RBM20: variants seen among roughly 807,000 people sequenced by gnomAD.
RBM20 encodes the protein RNA binding motif protein 20.
RBM20 carries 51 observed loss-of-function variants against 110.1 expected under a neutral mutation model. That is an observed-to-expected ratio of 0.46 (90% confidence interval 0.37 to 0.59). The LOEUF is 0.59. Among genes scored for constraint, RBM20 ranks in the 20% least tolerant of loss-of-function variants. The pLI is 0.00. For synonymous variants in RBM20, 589 were observed against 618.2 expected (o/e 0.95, Z 0.70); for missense variants, 1,512 against 1,574.9 (o/e 0.96, Z 0.68).
At chr10:110,662,011 G>GAAAAAA (rs373054814) in intron 1 of RBM20, among the ~76,000 whole-genome samples, 7 of 146,830 alleles carry the variant, frequency 4.8e-5, no homozygotes, top group Admixed American at 6.8e-5. Flanking sequence ...ACTGGTCTCA[G>GAAAAAA]GAAAAAAAAA....
rs774564601 is a variant in RBM20 at position 110,708,540 on chromosome 10, A to G, written c.191+63895A>G. ...TTTACTAGTTTCTGGTAAAATACGT[A>G]GGTTCTATATATTTTTGCTAGATAA... On this transcript the variant is annotated intron_variant, in intron 1 of 13. Transcript: ENST00000369519. Among the ~76,000 whole-genome samples, 16 of 152,322 alleles carry G rather than the reference A, an allele frequency of 1.1e-4. No individual in the cohort carries two copies. In the South Asian group the frequency reaches 2.9e-3, roughly 28 times the overall value.
At chr10:110,690,809 G>T (rs1203901185) in intron 1 of RBM20, among the ~76,000 whole-genome samples, 1 of 152,100 alleles carries the variant, frequency 6.6e-6, no homozygotes, top group African/African-American at 2.4e-5. Context: ...TCTGTTGATG[G>T]CCAGAAGCAT....
rs1458597200 is a variant in RBM20, at chr10:110,810,363, G to A, written c.1801-20G>A. On this transcript the variant is annotated intron_variant, in intron 7 of 13. Coordinates refer to ENST00000369519, the MANE Select transcript of RBM20 (RefSeq NM_001134363.3). ...GCAAGGCCATCTCTGATCTGATGGT[G>A]ATCTCTCTGACTTTGCTAGAAACCC... 1 of 1,543,038 alleles carries A rather than the reference G, an allele frequency of 6.5e-7. No homozygotes were observed. The highest frequency in any genetic ancestry group is 1.4e-5 in the African/African-American group (1 of 72,860).
intron 1 of RBM20, among the ~76,000 whole-genome samples, chr10:110,747,417 C>CAG: frequency 6.6e-6 from 1 of 152,216 alleles, no homozygotes; most frequent in African/African-American, 2.4e-5. Flanking sequence ...ATCAGTGGTG[C>CAG]AGAGACCTGG....
rs988921896 is a variant in RBM20 at position 110,783,271 on chromosome 10, C to T, written c.1276-95C>T. 37 of 936,502 alleles carry T rather than the reference C, an allele frequency of 4.0e-5. No homozygotes were observed. The South Asian group carries it at 4.6e-4, about 12-fold the overall frequency. The allele number at this position is 936,502 out of a possible 1,614,324, so 58.0% of individuals were successfully genotyped here. On this transcript the variant is annotated intron_variant, in intron 2 of 13. Coordinates refer to ENST00000369519, the MANE Select transcript of RBM20 (RefSeq NM_001134363.3). ...AGGGGTGGTCCAGCCTCTGGGCGCT[C>T]TGTGCTCCCTGCCTGACCAGTGTCT...
intron 9 of RBM20, among the ~76,000 whole-genome samples, chr10:110,816,452 C>T (rs1844841880): frequency 6.6e-6 from 1 of 151,684 alleles, no homozygotes; most frequent in African/African-American, 2.4e-5. Flanking sequence ...CAACCTGCTC[C>T]CCTCCCTCTC....
chr10:110,704,340 A>G (rs1327163243), intron 1 of RBM20, among the ~76,000 whole-genome samples: 1 of 152,238 alleles, frequency 6.6e-6, no homozygotes, highest in Non-Finnish European at 1.5e-5. Flanking sequence ...ATTACAAAGA[A>G]AGCTGCTATG....
chr10:110,778,368 A>G (rs969369492), intron 1 of RBM20, among the ~76,000 whole-genome samples: 1 of 152,242 alleles, frequency 6.6e-6, no homozygotes, highest in Non-Finnish European at 1.5e-5. Flanking sequence ...TTGTACTTAC[A>G]TTTAAATGTG....
intron 1 of RBM20, among the ~76,000 whole-genome samples, chr10:110,717,597 A>G (rs904628852): frequency 6.6e-6 from 1 of 152,034 alleles, no homozygotes; most frequent in African/African-American, 2.4e-5. Flanking sequence ...CCTGATTTGA[A>G]TCCCACCCCT....
intron 5 of RBM20, among the ~76,000 whole-genome samples, chr10:110,795,725 A>T (rs1844542148): frequency 6.6e-6 from 1 of 152,200 alleles, no homozygotes; most frequent in South Asian, 2.1e-4. Flanking sequence ...GGTTCGGAAA[A>T]TTATATCCTT....
In RBM20 at chr10:110,669,527, A is replaced by G. The variant is rs1236437344; in HGVS notation, c.191+24882A>G. Among the ~76,000 whole-genome samples the G allele has an allele frequency of 2.0e-5, 3 of 152,232 alleles. No individual in the cohort carries two copies. In the East Asian group the frequency reaches 5.8e-4, roughly 29 times the overall value. On this transcript the variant is annotated intron_variant, in intron 1 of 13. Transcript: ENST00000369519. ...CAACAAAACTTTGGATTCAATTACA[A>G]CACTTGTAGGCTCAGAAGATTGCTT... is the stretch of plus-strand genomic sequence containing the variant.
chr10:110,698,792 GC>G (rs1406053293), intron 1 of RBM20, among the ~76,000 whole-genome samples: 1 of 152,168 alleles, frequency 6.6e-6, no homozygotes, highest in Non-Finnish European at 1.5e-5. Flanking sequence ...ATGTGACACT[GC>G]CTCCTTGAAA....
chr10:110,791,769 C>T (rs2135062479), intron 5 of RBM20, among the ~76,000 whole-genome samples: 2 of 152,322 alleles, frequency 1.3e-5, no homozygotes, highest in Admixed American at 1.3e-4. Context: ...GGCTTGCAGG[C>T]AGGCTAAAGC....
In RBM20 at chr10:110,812,317, C is replaced by G. The variant is rs1439106449; in HGVS notation, c.1920C>G (p.Ser640Arg). The G allele has an allele frequency of 1.3e-6, 2 of 1,550,654 alleles. No homozygotes were observed. Among genetic ancestry groups the G allele is most frequent in the African/African-American group, 1.4e-5 (1 of 73,044 alleles). Residue 640 changes from serine (S) to arginine (R), a missense_variant, in exon 9 of 14, where the codon AGC becomes AGG. Transcript: ENST00000369519. ...PERPRSRSPV[S>R]RSLSPRSHTP... ...GGCCGCGGTCTCGTAGTCCGGTGAG[C>G]CGGTCACTCTCCCCGAGGTCCCACA...
Position 110,780,834 on chromosome 10 carries a change from G to C in RBM20, c.225G>C (p.Ser75=), listed in dbSNP as rs1170141703. The C allele has an allele frequency of 2.6e-6, 4 of 1,538,550 alleles. No homozygotes were observed. Among genetic ancestry groups the C allele is most frequent in the Non-Finnish European group, 3.5e-6 (4 of 1,138,552 alleles). The change falls in exon 2 of 14, where the codon TCG becomes TCC. Residue 75 remains serine, a synonymous_variant. Transcript: ENST00000369519. ...AAKLLDKNPF[S]VSNPNPLLPS... ...AGCTCCTGGACAAGAACCCATTCTC[G>C]GTCAGTAACCCGAACCCTCTGCTTC...
At chr10:110,721,663 C>T (rs978160550) in intron 1 of RBM20, among the ~76,000 whole-genome samples, 3 of 152,140 alleles carry the variant, frequency 2.0e-5, no homozygotes, top group African/African-American at 4.8e-5. Context: ...CTGTGGCTTC[C>T]GACTGTGGTT....
intron 9 of RBM20, among the ~76,000 whole-genome samples, chr10:110,813,577 G>A (rs1439002889): frequency 2.6e-5 from 4 of 152,154 alleles, no homozygotes; most frequent in Admixed American, 2.0e-4. Flanking sequence ...GCTCATGCCT[G>A]TAATCCTAGC....
intron 1 of RBM20, among the ~76,000 whole-genome samples, chr10:110,647,815 G>A (rs566457043): frequency 4.6e-5 from 7 of 152,148 alleles, no homozygotes; most frequent in Admixed American, 2.6e-4. Context: ...CTTGATGAAC[G>A]TCAGAAATTT....
intron 13 of RBM20, among the ~76,000 whole-genome samples, chr10:110,832,732 G>T (rs1845072935): frequency 1.3e-5 from 2 of 152,164 alleles, no homozygotes; most frequent in African/African-American, 4.8e-5. Flanking sequence ...GACCCATAAT[G>T]TCATGGCCTG....
Sources: gnomAD v4.1 joint callset for allele counts (sites outside exome capture counted in the v4.1 genomes callset) on GRCh38, gnomAD v4.1.1 for gene constraint, MANE v1.5 for transcripts, NCBI Gene and HGNC (gene_info 2026-07-23, HGNC 2026-07-21) for gene names.